The following PCF11 variants were observed in gnomAD, a reference collection of about 807,000 sequenced individuals.
PCF11 encodes PCF11 cleavage and polyadenylation factor subunit.
In PCF11, 19 loss-of-function variants were observed where a neutral mutation model predicts 166.1. The ratio of observed to expected loss-of-function variants is 0.11; its 90% CI spans 0.08 to 0.17. The LOEUF (loss-of-function observed/expected upper bound fraction) is 0.17, where lower values mean the gene tolerates loss of function less well. Among genes scored for constraint, PCF11 ranks in the 10% least tolerant of loss-of-function variants. The pLI is 1.00. For missense variants in PCF11, 1,565 were observed against 1,855.5 expected (o/e 0.84, Z 2.88); for synonymous variants, 663 against 644.1 (o/e 1.03, Z -0.44).
exon 5 of PCF11, chr11:83,166,012 C>T: frequency 6.2e-7 from 1 of 1,601,950 alleles, no homozygotes; most frequent in Non-Finnish European, 8.5e-7. Context: ...AAATCACCCT[C>T]ACCTTTGAAA....
exon 16 of PCF11, chr11:83,187,397 T>A (rs780650433): frequency 2.1e-5 from 3 of 146,230 alleles, no homozygotes; most frequent in Non-Finnish European, 4.4e-5. Context: ...CAAGAAAATA[T>A]GTAAGACTCA....
intron 9 of PCF11, among the ~76,000 whole-genome samples, chr11:83,173,903 G>C (rs1590932867): frequency 1.3e-5 from 2 of 151,664 alleles, no homozygotes; most frequent in South Asian, 4.2e-4. Context: ...GCTAATTTTT[G>C]TATTTTTAAT....
In PCF11 at chr11:83,184,697, A is replaced by T. The variant is rs185314958; in HGVS notation, c.4471A>T (p.Thr1491Ser). 6 of 1,610,892 alleles carry T rather than the reference A, an allele frequency of 3.7e-6. No individual in the cohort carries two copies. In the East Asian group the frequency reaches 1.1e-4, roughly 30 times the overall value. ...TTTGTAGACATCTTCATTTGATTGT[A>T]CACCATCTCCCAGCAAGACACCAGT... is the stretch of plus-strand genomic sequence containing the variant. Residue 1491 changes from threonine (T) to serine (S), a missense_variant, in exon 16 of 16, where the codon ACA (threonine) becomes TCA (serine). Around this residue, in one of 12 missense-constraint regions of PCF11, gnomAD observed 99 missense variants for 89.1 expected, o/e 1.11. Coordinates refer to ENST00000298281, the Ensembl canonical transcript of PCF11.
At position 83,177,080 on chromosome 11, in the gene PCF11, GT is replaced by G; in HGVS notation, c.3758-3del. 1 of 1,447,294 alleles carries G rather than the reference GT, an allele frequency of 6.9e-7. No individual in the cohort carries two copies. Among genetic ancestry groups the G allele is most frequent in the Non-Finnish European group, 9.1e-7 (1 of 1,097,494 alleles). The allele number at this position is 1,447,294 out of a possible 1,614,324, so 89.7% of individuals were successfully genotyped here. On this transcript the variant is annotated splice_region_variant and splice_polypyrimidine_tract_variant and intron_variant, in intron 9 of 15. Transcript: ENST00000298281. ...TTTTTTTTCTTTCTTTCTTTTTTTT[GT>G]TAGGAGCCCTCCCTAAGGCATATCC...
At position 83,167,059 on chromosome 11, in the gene PCF11, TA is replaced by T; in HGVS notation, c.1818-63del. The T allele has an allele frequency of 7.9e-7, 1 of 1,270,416 alleles. No homozygotes were observed. The highest frequency in any genetic ancestry group is 1.1e-6 in the Non-Finnish European group (1 of 904,918). The allele number at this position is 1,270,416 out of a possible 1,614,324, so 78.7% of individuals were successfully genotyped here. A position where few individuals can be genotyped will look rare whatever the true frequency, so the allele number is the denominator to read the frequency against. ...AACCATATCCTTTGAAAAGAATCTT[TA>T]AATATGGTCCTGAGTATTTTTTAAA... On this transcript the variant is annotated intron_variant, in intron 5 of 15. Coordinates refer to ENST00000298281, the Ensembl canonical transcript of PCF11. This position sits in a 1 kb window ranked among gnomAD's most constrained non-coding sequence, Gnocchi z 4.2.
At chr11:83,170,839 G>C (rs1442022329) in intron 8 of PCF11, among the ~76,000 whole-genome samples, 7 of 152,176 alleles carry the variant, frequency 4.6e-5, no homozygotes, top group African/African-American at 1.7e-4. Flanking sequence ...GATTTTAAAA[G>C]TACATTAGGA....
intron 11 of PCF11, among the ~76,000 whole-genome samples, chr11:83,178,519 G>T (rs1860964227): frequency 6.6e-6 from 1 of 151,824 alleles, no homozygotes; most frequent in South Asian, 2.1e-4. Context: ...AAATCGGCTG[G>T]GCGCGGTGGC....
intron 12 of PCF11, 93 bp downstream of exon 12, chr11:83,181,284 T>A (rs1861074837): frequency 5.0e-6 from 2 of 398,636 alleles, no homozygotes; most frequent in Non-Finnish European, 4.0e-6. Flanking sequence ...AAATTTAATT[T>A]TAATTAAGTA....
chr11:83,161,362 T>C, exon 2 of PCF11: 1 of 1,605,372 alleles, frequency 6.2e-7, no homozygotes, highest in Non-Finnish European at 8.5e-7. Context: ...TTATGTACCT[T>C]ATGGATTCTA....
intron 9 of PCF11, among the ~76,000 whole-genome samples, chr11:83,173,684 A>G (rs768245450): frequency 5.3e-5 from 8 of 150,616 alleles, no homozygotes; most frequent in Non-Finnish European, 5.9e-5. Flanking sequence ...GATGCTCTAC[A>G]GAAACTACAA....
chr11:83,157,608 C>G lies in PCF11; in HGVS notation c.169C>G (p.Leu57Val), dbSNP rs774971527. The stretch of plus-strand genomic sequence containing the variant: ...GCCCTTCGCCAAGGAGATCGTCTCT[C>G]TCATCGAGGCCCAAACCGCCAAGGT... The change falls in exon 1 of 16, where the codon CTC becomes GTC. Residue 57 changes from leucine (L) to valine (V), a missense_variant. By Grantham distance (32) the Leu-to-Val change is conservative. Around this residue, in one of 12 missense-constraint regions of PCF11, gnomAD observed 19 missense variants for 27.6 expected, o/e 0.69. Transcript: ENST00000298281. 126 of 1,613,910 alleles carry G rather than the reference C, an allele frequency of 7.8e-5. No homozygotes were observed. Among genetic ancestry groups the G allele is most frequent in the Non-Finnish European group, 1.1e-4 (125 of 1,179,880 alleles).
At chr11:83,182,450 G>C in exon 14 of PCF11, 1 of 1,579,062 alleles carries the variant, frequency 6.3e-7, no homozygotes, top group Non-Finnish European at 8.7e-7. Context: ...TGAAGAAGAG[G>C]AGGAATGGCA....
intron 8 of PCF11, chr11:83,171,291 C>T (rs1448161617): frequency 6.6e-6 from 3 of 455,420 alleles, no homozygotes; most frequent in African/African-American, 6.0e-5. Context: ...AGATGCTTAC[C>T]TGCTTGGTAA....
intron 8 of PCF11, 145 bp downstream of exon 8, chr11:83,170,140 G>A: frequency 1.6e-6 from 1 of 615,062 alleles, no homozygotes; most frequent in South Asian, 3.5e-5. Flanking sequence ...TAAGGAAGTG[G>A]GATGAGCATC....
intron 9 of PCF11, among the ~76,000 whole-genome samples, chr11:83,172,360 T>C (rs2135433009): frequency 6.6e-6 from 1 of 152,334 alleles, no homozygotes; most frequent in East Asian, 1.9e-4. Context: ...GATAAGCATC[T>C]TTGTTACTAT....
At chr11:83,163,656 A>G (rs753419196) in intron 2 of PCF11, 23 bp from the exon 3 acceptor site, 361 of 1,046,256 alleles carry the variant, frequency 3.5e-4, no homozygotes, top group Non-Finnish European at 4.4e-4. Flanking sequence ...TTAACAAGCC[A>G]TAGAATTGTT....
chr11:83,161,618 T>C (rs1235390112), intron 2 of PCF11, among the ~76,000 whole-genome samples, 166 bp downstream of exon 2: 1 of 152,204 alleles, frequency 6.6e-6, no homozygotes, highest in Non-Finnish European at 1.5e-5. Context: ...TAATGTTTTA[T>C]GTTAGATTTT....
intron 10 of PCF11, 125 bp downstream of exon 10, chr11:83,177,329 T>C: frequency 2.8e-6 from 2 of 726,168 alleles, no homozygotes; most frequent in Non-Finnish European, 4.1e-6. Flanking sequence ...GGTATAGCTT[T>C]TATTTTTGAT....
chr11:83,157,724 A>T, intron 1 of PCF11, 93 bp downstream of exon 1: 1 of 1,180,400 alleles, frequency 8.5e-7, no homozygotes, highest in Non-Finnish European at 1.2e-6. Flanking sequence ...CCCAAGGGGG[A>T]CAGTGTTCCT....
Sources: allele counts gnomAD v4.1 joint callset (sites outside exome capture counted in the v4.1 genomes callset), GRCh38; gene constraint gnomAD v4.1.1; regional missense constraint gnomAD v4.1.1; non-coding constraint Gnocchi (gnomAD v3.1); transcripts MANE v1.5; gene names NCBI Gene and HGNC (gene_info 2026-07-23, HGNC 2026-07-21).